DLG1: variants seen among roughly 807,000 people sequenced by gnomAD.
The protein encoded by DLG1 is discs large MAGUK scaffold protein 1.
A neutral mutation model predicts 123.4 loss-of-function variants in DLG1; 42 were observed. The ratio of observed to expected loss-of-function variants is 0.34; its 90% CI spans 0.27 to 0.44. The LOEUF (loss-of-function observed/expected upper bound fraction) is 0.44. Ranked by LOEUF, DLG1 falls within the 20% of genes least tolerant of loss-of-function variation. DLG1 has a pLI of 1.00. For synonymous variants in DLG1, 317 were observed against 356.2 expected, an observed-to-expected ratio of 0.89 and a Z score of 1.24; for missense variants, 942 against 1,082.6, an observed-to-expected ratio of 0.87 and a Z score of 1.82.
intron 4 of DLG1, among the ~76,000 whole-genome samples, chr3:197,258,721 A>G (rs1415029810): frequency 6.6e-6 from 1 of 152,242 alleles, no homozygotes; most frequent in East Asian, 1.9e-4. Context: ...GATGGGGTAC[A>G]CACCGCAGCC....
intron 4 of DLG1, among the ~76,000 whole-genome samples, chr3:197,216,650 C>T (rs1734263985): frequency 6.6e-6 from 1 of 152,194 alleles, no homozygotes; most frequent in Non-Finnish European, 1.5e-5. Flanking sequence ...GACAAAATTT[C>T]AGACTCCCAG....
rs1322540687 is a variant in DLG1, at chr3:197,089,604, C to T, written c.1661+1308G>A. On this transcript the variant is annotated intron_variant, in intron 15 of 24. Coordinates refer to ENST00000667157, the MANE Select transcript of DLG1 (RefSeq NM_001366207.1). Reference sequence around the variant, plus strand: ...ACAAGTGAAGATTCACTAAATGTACCGAAAATAAATATAACCTATTATGTT... The same window carrying T: ...ACAAGTGAAGATTCACTAAATGTACTGAAAATAAATATAACCTATTATGTT... Among the ~76,000 whole-genome samples, 5 of 150,544 alleles carry T rather than the reference C, an allele frequency of 3.3e-5. No individual in the cohort carries two copies. The East Asian group carries it at 5.8e-4, about 18-fold the overall frequency.
At chr3:197,184,432 C>G (rs757426151) in intron 5 of DLG1, among the ~76,000 whole-genome samples, 24 of 152,192 alleles carry the variant, frequency 1.6e-4, no homozygotes, top group Non-Finnish European at 3.2e-4. Context: ...ATTTCTACAC[C>G]AGGCAGATCT....
intron 8 of DLG1, among the ~76,000 whole-genome samples, chr3:197,139,607 G>A (rs1282379035): frequency 6.6e-6 from 1 of 152,048 alleles, no homozygotes; most frequent in Non-Finnish European, 1.5e-5. Context: ...AGAGACAAAT[G>A]TTATTTTCAT....
chr3:197,278,380 T>A (rs892622343), intron 4 of DLG1, among the ~76,000 whole-genome samples: 8 of 147,560 alleles, frequency 5.4e-5, no homozygotes, highest in African/African-American at 2.0e-4. Context: ...TGAGGCAGGA[T>A]GATCCCTGGA....
At position 197,173,329 on chromosome 3, in the gene DLG1, A is replaced by G. The variant is rs898038162; in HGVS notation, c.483+21096T>C. ...TGATGATGACCTCACTGATGTAATT[A>G]ATGTATTATAATAAGTGCTTTGCAC... On this transcript the variant is annotated intron_variant, in intron 5 of 24. Coordinates refer to ENST00000667157, the MANE Select transcript of DLG1 (RefSeq NM_001366207.1). Among the ~76,000 whole-genome samples, 8 of 152,326 alleles carry G rather than the reference A, an allele frequency of 5.3e-5. 1 individual carries two copies. The highest frequency in any genetic ancestry group is 1.9e-4 in the African/African-American group (8 of 41,584).
intron 4 of DLG1, among the ~76,000 whole-genome samples, chr3:197,220,983 G>A (rs980127369): frequency 6.6e-6 from 1 of 152,094 alleles, no homozygotes; most frequent in African/African-American, 2.4e-5. Flanking sequence ...AACTGCTATT[G>A]ATCATTATTT....
intron 5 of DLG1, among the ~76,000 whole-genome samples, chr3:197,179,159 G>A (rs1362482263): frequency 6.6e-6 from 1 of 152,204 alleles, no homozygotes. Context: ...GTATAGAGAA[G>A]GCAGAGCTGC....
intron 5 of DLG1, among the ~76,000 whole-genome samples, chr3:197,153,471 C>T (rs144043251): frequency 5.2e-4 from 79 of 152,328 alleles, no homozygotes; most frequent in African/African-American, 1.5e-3. Context: ...GCACAAGCCA[C>T]GGTGGGCAGA....
intron 4 of DLG1, among the ~76,000 whole-genome samples, chr3:197,215,209 G>T (rs1733481998): frequency 6.6e-6 from 1 of 152,144 alleles, no homozygotes. Context: ...CACAGGGTTA[G>T]ACAGGCTGAT....
chr3:197,110,243 T>C (rs1438764647), intron 13 of DLG1, among the ~76,000 whole-genome samples: 2 of 152,212 alleles, frequency 1.3e-5, no homozygotes, highest in Non-Finnish European at 2.9e-5. Context: ...TCAAGTTTGC[T>C]GATTCTTTCT....
chr3:197,150,389 GCAGAATAACA>G (rs1793273362), intron 5 of DLG1, among the ~76,000 whole-genome samples: 1 of 151,934 alleles, frequency 6.6e-6, no homozygotes, highest in Non-Finnish European at 1.5e-5. Context: ...AGAAAAATAA[GCAGAATAACA>G]CACACCTAGT....
At chr3:197,245,461 G>C (rs1367727382) in intron 4 of DLG1, among the ~76,000 whole-genome samples, 1 of 152,080 alleles carries the variant, frequency 6.6e-6, no homozygotes, top group East Asian at 1.9e-4. Context: ...TTCCTCCAAG[G>C]GGTGGTTTTC....
chr3:197,130,363 G>T (rs1288298998), intron 11 of DLG1, among the ~76,000 whole-genome samples, 164 bp downstream of exon 11: 2 of 151,950 alleles, frequency 1.3e-5, no homozygotes, highest in Non-Finnish European at 2.9e-5. Context: ...TAAAAATTTT[G>T]ACTTAAAGTA....
At chr3:197,088,596 T>G (rs536229084) in intron 15 of DLG1, among the ~76,000 whole-genome samples, 1 of 152,010 alleles carries the variant, frequency 6.6e-6, no homozygotes, top group African/African-American at 2.4e-5. Flanking sequence ...CCAAAGGAAA[T>G]AGAATAATGG....
intron 5 of DLG1, among the ~76,000 whole-genome samples, chr3:197,175,802 C>T (rs935157319): frequency 6.6e-6 from 1 of 152,010 alleles, no homozygotes; most frequent in South Asian, 2.1e-4. Context: ...GAATTAGAGT[C>T]GTGATAAGAG....
At chr3:197,060,301 T>C (rs1248230002) in intron 22 of DLG1, among the ~76,000 whole-genome samples, 1 of 152,146 alleles carries the variant, frequency 6.6e-6, no homozygotes, top group African/African-American at 2.4e-5. Context: ...CGCCGTTCCC[T>C]TTTTTTAAAA....
intron 5 of DLG1, among the ~76,000 whole-genome samples, chr3:197,160,250 A>G (rs1435945790): frequency 2.0e-5 from 3 of 152,160 alleles, no homozygotes; most frequent in Non-Finnish European, 4.4e-5. Context: ...ATAGGAAAAG[A>G]CAGGCTCCCA....
intron 15 of DLG1, among the ~76,000 whole-genome samples, chr3:197,088,268 G>C (rs544759217): frequency 1.3e-5 from 2 of 152,050 alleles, no homozygotes; most frequent in African/African-American, 4.8e-5. Flanking sequence ...AAATAGGATA[G>C]CTAGAAAAAA....
Sources: allele counts gnomAD v4.1 joint callset (sites outside exome capture counted in the v4.1 genomes callset), GRCh38; gene constraint gnomAD v4.1.1; transcripts MANE v1.5; gene names NCBI Gene and HGNC (gene_info 2026-07-23, HGNC 2026-07-21).